The following ADARB1 variants were observed in gnomAD, a reference collection of about 807,000 sequenced individuals.
ADARB1 encodes the protein adenosine deaminase RNA specific B1, also known as double-stranded RNA-specific editase 1.
ADARB1 carries 10 observed loss-of-function variants against 52.4 expected under a neutral mutation model. That is an observed-to-expected ratio of 0.19 (90% confidence interval 0.12 to 0.32). ADARB1 has a LOEUF of 0.32. Among genes scored for constraint, ADARB1 ranks in the 10% least tolerant of loss-of-function variants. The pLI is 1.00. For missense variants in ADARB1, 643 were observed against 922.3 expected (o/e 0.70, Z 3.92); for synonymous variants, 349 against 371.1 (o/e 0.94, Z 0.68).
chr21:45,119,050 A>C (rs1191515678), intron 1 of ADARB1, among the ~76,000 whole-genome samples: 2 of 152,230 alleles, frequency 1.3e-5, no homozygotes, highest in South Asian at 2.1e-4. Context: ...AATGGAGAGA[A>C]GATATGGTGT....
chr21:45,147,906 TCTC>T (rs2090087013), intron 2 of ADARB1, among the ~76,000 whole-genome samples: 1 of 151,796 alleles, frequency 6.6e-6, no homozygotes, highest in African/African-American at 2.4e-5. Flanking sequence ...CAGCACCACT[TCTC>T]CTCTGTCACC....
In ADARB1 at chr21:45,175,910, G is replaced by C. The variant is rs1297324458; in HGVS notation, c.209G>C (p.Arg70Thr). 1 of 1,609,792 alleles carries C rather than the reference G, an allele frequency of 6.2e-7. No individual in the cohort carries two copies. Among genetic ancestry groups the C allele is most frequent in the East Asian group, 2.2e-5 (1 of 44,860 alleles). ...CACTCCAAGTACCGCCTGAAGAAAA[G>C]GAGGAAAACACCAGGGCCCGTCCTC... ...NGHSKYRLKK[R>T]RKTPGPVLPK... Residue 70 changes from arginine to threonine, a missense_variant, in exon 4 of 11, where the codon AGG becomes ACG. Arg to Thr is a moderately conservative substitution (Grantham distance 71). Around this residue, in one of 2 missense-constraint regions of ADARB1, gnomAD observed 380 missense variants for 446.5 expected, o/e 0.85. Transcript: ENST00000348831.
Position 45,220,946 on chromosome 21 carries a change from G to A in ADARB1, c.1858G>A (p.Glu620Lys). Residue 620 changes from glutamate (E) to lysine (K), a missense_variant, in exon 10 of 11, where the codon GAG becomes AAG. By Grantham distance (56) the Glu-to-Lys change is moderately conservative (BLOSUM62 1). Coordinates refer to ENST00000348831, the MANE Select transcript of ADARB1 (RefSeq NM_001112.4). This position sits in a 1 kb window ranked among gnomAD's most constrained non-coding sequence, Gnocchi z 6.3. ...EVINATTGKD[E>K]LGRASRLCKH... is the part of the protein sequence containing the mutation. ...CATCAACGCCACGACTGGGAAGGAT[G>A]AGCTGGGCCGCGCGTCCCGCCTGTG... 6.2e-7 allele frequency: 1 copy of A among 1,613,390 alleles called. No individual in the cohort carries two copies. Among genetic ancestry groups the A allele is most frequent in the Non-Finnish European group, 8.5e-7 (1 of 1,180,028 alleles).
At chr21:45,215,776 A>G (rs1020520873) in intron 9 of ADARB1, among the ~76,000 whole-genome samples, 5 of 152,216 alleles carry the variant, frequency 3.3e-5, no homozygotes, top group African/African-American at 1.2e-4. Context: ...GAATTTTTGT[A>G]TTTATATTTG....
intron 2 of ADARB1, among the ~76,000 whole-genome samples, chr21:45,147,403 C>T (rs2090060929): frequency 6.6e-6 from 1 of 152,162 alleles, no homozygotes; most frequent in African/African-American, 2.4e-5. Context: ...GTTGGGGATA[C>T]ACTGTGCATC....
At chr21:45,152,667 G>A (rs557357510) in intron 2 of ADARB1, 26 of 451,436 alleles carry the variant, frequency 5.8e-5, no homozygotes, top group African/African-American at 3.0e-4. Flanking sequence ...ATCATGGGGC[G>A]TCGGTATAAA....
At chr21:45,104,346 G>GT (rs1452535494) in intron 1 of ADARB1, among the ~76,000 whole-genome samples, 4 of 152,172 alleles carry the variant, frequency 2.6e-5, no homozygotes, top group African/African-American at 9.7e-5. Context: ...AGTGGAGGCT[G>GT]TAAAGGAGCA....
In ADARB1 at chr21:45,222,264, A is replaced by G; in HGVS notation, c.*67A>G. 3.4e-6 allele frequency: 5 copies of G among 1,472,690 alleles called. No homozygotes were observed. Among genetic ancestry groups the G allele is most frequent in the Non-Finnish European group, 4.5e-6 (5 of 1,115,914 alleles). The allele number at this position is 1,472,690 out of a possible 1,614,324, so 91.2% of individuals were successfully genotyped here. A position where few individuals can be genotyped will look rare whatever the true frequency, so the allele number is the denominator to read the frequency against. On this transcript the variant is annotated 3_prime_UTR_variant, in exon 11 of 11. Transcript: ENST00000348831. ...CCAGCGTCATCCTCCAGAACCTCAC[A>G]TCTGAACTGGGGGCAGGTGCATACC...
intron 1 of ADARB1, among the ~76,000 whole-genome samples, chr21:45,117,225 C>G (rs770235056): frequency 6.6e-6 from 1 of 152,160 alleles, no homozygotes; most frequent in Non-Finnish European, 1.5e-5. Context: ...GAGACCTAGC[C>G]GCTGCTGTTT....
chr21:45,156,045 A>T (rs1209278067), intron 2 of ADARB1, among the ~76,000 whole-genome samples: 1 of 129,174 alleles, frequency 7.7e-6, no homozygotes, highest in Non-Finnish European at 1.6e-5. Flanking sequence ...CCACCCACCC[A>T]ACCACCCACC....
chr21:45,163,462 AG>A (rs2091084853), intron 2 of ADARB1, among the ~76,000 whole-genome samples: 1 of 152,320 alleles, frequency 6.6e-6, no homozygotes, highest in Non-Finnish European at 1.5e-5. Context: ...TGGGAAAAGC[AG>A]GGTGGTCAGG....
At chr21:45,082,273 G>T (rs1041372620) in intron 1 of ADARB1, among the ~76,000 whole-genome samples, 3 of 152,140 alleles carry the variant, frequency 2.0e-5, no homozygotes, top group African/African-American at 4.8e-5. Flanking sequence ...TTACGATGAG[G>T]TTCATAACTT....
intron 1 of ADARB1, among the ~76,000 whole-genome samples, chr21:45,082,470 A>G (rs964219910): frequency 1.3e-5 from 2 of 152,184 alleles, no homozygotes; most frequent in Non-Finnish European, 2.9e-5. Flanking sequence ...TTGTTTGTAA[A>G]ACACAGACAC....
chr21:45,205,544 C>G (rs866553499), intron 9 of ADARB1, among the ~76,000 whole-genome samples: 1 of 152,172 alleles, frequency 6.6e-6, no homozygotes, highest in Non-Finnish European at 1.5e-5. Flanking sequence ...CTGTTGGCTC[C>G]GAGAGATGGT....
chr21:45,135,344 A>G (rs957624527), intron 2 of ADARB1, among the ~76,000 whole-genome samples: 6 of 152,240 alleles, frequency 3.9e-5, no homozygotes, highest in African/African-American at 1.4e-4. Flanking sequence ...CCAGAATGAC[A>G]ACAACTGTCA....
chr21:45,077,806 T>C (rs1435131050), intron 1 of ADARB1, among the ~76,000 whole-genome samples: 2 of 152,330 alleles, frequency 1.3e-5, no homozygotes, highest in African/African-American at 2.4e-5. Context: ...GTTCATAATA[T>C]GTGAGGTAGG....
intron 2 of ADARB1, among the ~76,000 whole-genome samples, chr21:45,159,325 T>G (rs944392419): frequency 6.6e-6 from 1 of 152,056 alleles, no homozygotes; most frequent in African/African-American, 2.4e-5. Context: ...ACGAGAACAG[T>G]ATGGGGGAAA....
intron 1 of ADARB1, among the ~76,000 whole-genome samples, chr21:45,089,830 A>C (rs2086491999): frequency 6.6e-6 from 1 of 152,220 alleles, no homozygotes; most frequent in Non-Finnish European, 1.5e-5. Flanking sequence ...TTGTGTCCAC[A>C]GCTTGTCATT....
chr21:45,117,985 A>G (rs2087924382), intron 1 of ADARB1, among the ~76,000 whole-genome samples: 1 of 152,238 alleles, frequency 6.6e-6, no homozygotes, highest in Non-Finnish European at 1.5e-5. Context: ...GATGAGATTT[A>G]TATTGACAAG....
Sources: allele counts gnomAD v4.1 joint callset (sites outside exome capture counted in the v4.1 genomes callset), GRCh38; gene constraint gnomAD v4.1.1; regional missense constraint gnomAD v4.1.1; non-coding constraint Gnocchi (gnomAD v3.1); transcripts MANE v1.5; gene names NCBI Gene and HGNC (gene_info 2026-07-23, HGNC 2026-07-21).